The following ARHGEF9 variants were observed in gnomAD, a reference collection of about 807,000 sequenced individuals.
ARHGEF9 encodes the protein Cdc42 guanine nucleotide exchange factor 9.
Under a neutral mutation model 41.3 loss-of-function variants are expected in ARHGEF9, and 2 were observed. The observed-to-expected ratio is 0.05, with a 90% CI of 0.02 to 0.15. The LOEUF (loss-of-function observed/expected upper bound fraction) is 0.15, where lower values mean the gene tolerates loss of function less well. Among genes scored for constraint, ARHGEF9 ranks in the 10% least tolerant of loss-of-function variants. ARHGEF9 has a pLI of 1.00. For missense variants in ARHGEF9, 225 were observed against 424.7 expected (o/e 0.53, Z 4.13); for synonymous variants, 160 against 154.4 (o/e 1.04, Z -0.27).
intron 1 of ARHGEF9, among the ~76,000 whole-genome samples, chrX:63,760,050 C>A (rs2056007807): frequency 9.0e-6 from 1 of 110,980 alleles, no homozygotes; most frequent in Non-Finnish European, 1.9e-5. Context: ...GCCTACCTCC[C>A]AAACCCAAGA....
At chrX:63,640,552 C>T (rs1334718143) in intron 9 of ARHGEF9, 1 of 112,069 alleles carries the variant, frequency 8.9e-6, no homozygotes, top group Non-Finnish European at 1.9e-5. Flanking sequence ...GGTTTATGTA[C>T]CAGGAATTAG....
intron 8 of ARHGEF9, among the ~76,000 whole-genome samples, chrX:63,648,732 C>T (rs1316010246): frequency 9.0e-6 from 1 of 110,639 alleles, no homozygotes; most frequent in East Asian, 2.8e-4. Flanking sequence ...CACACATAGG[C>T]TCAAAATAAA....
At chrX:63,743,610 C>T in intron 1 of ARHGEF9, among the ~76,000 whole-genome samples, 1 of 112,304 alleles carries the variant, frequency 8.9e-6, no homozygotes, top group South Asian at 3.7e-4. Context: ...TGGGCAAGAA[C>T]CTGCAATTTC....
chrX:63,648,970 A>C (rs1198219414), intron 8 of ARHGEF9, among the ~76,000 whole-genome samples: 2 of 111,418 alleles, frequency 1.8e-5, no homozygotes, highest in Non-Finnish European at 3.8e-5. Context: ...AGAGATCTAC[A>C]AAGAGACTTA....
At chrX:63,773,521 T>C (rs2056238167) in intron 1 of ARHGEF9, among the ~76,000 whole-genome samples, 1 of 112,312 alleles carries the variant, frequency 8.9e-6, no homozygotes, top group Admixed American at 9.4e-5. Flanking sequence ...CTTTCCCATC[T>C]ATACCTACTC....
At chrX:63,754,809 T>A (rs1556445181) in intron 1 of ARHGEF9, 5 of 940,733 alleles carry the variant, frequency 5.3e-6, no homozygotes, top group Non-Finnish European at 6.6e-6. Context: ...TGATCGTTTG[T>A]CCCTAGCTGA....
At chrX:63,642,755 A>G (rs7889213) in intron 9 of ARHGEF9, 1 of 112,075 alleles carries the variant, frequency 8.9e-6, no homozygotes, top group South Asian at 3.8e-4. Context: ...CCACTGAGAA[A>G]GCAGAAGGAA....
At chrX:63,655,852 G>T in intron 7 of ARHGEF9, 115 bp from the exon 8 acceptor site, 1 of 1,004,139 alleles carries the variant, frequency 1.0e-6, no homozygotes, top group Non-Finnish European at 1.4e-6. Flanking sequence ...ACCAATGGGG[G>T]TTGGTTTGTT....
intron 1 of ARHGEF9, chrX:63,754,305 A>G: frequency 8.3e-7 from 1 of 1,210,915 alleles, no homozygotes; most frequent in East Asian, 3.0e-5. Context: ...ATAATATACC[A>G]ACGTCATACA....
At chrX:63,708,932 C>G (rs1306610900) in intron 2 of ARHGEF9, among the ~76,000 whole-genome samples, 1 of 112,136 alleles carries the variant, frequency 8.9e-6, no homozygotes, top group Non-Finnish European at 1.9e-5. Context: ...TCCCCCGGGC[C>G]TAATGATAAG....
rs2048826940 is a variant in ARHGEF9 at position 63,655,631 on chromosome X, A to G, written c.1184T>C (p.Met395Thr). ...DGRDDDFNVS[M>T]KNAFKLHNKE... ...GTTGTGAAGCTTAAAGGCATTCTTC[A>G]TGCTGACATTGAAGTCATCATCTCT... The change falls in exon 8 of 10, where the codon ATG becomes ACG. Residue 395 changes from methionine (M) to threonine (T), a missense_variant. Met to Thr is a moderately conservative substitution (Grantham distance 81, BLOSUM62 -1). Coordinates refer to ENST00000671741, the MANE Select transcript of ARHGEF9 (RefSeq NM_001353921.2). 1 of 1,209,707 alleles carries G rather than the reference A, an allele frequency of 8.3e-7. No individual in the cohort carries two copies. Among genetic ancestry groups the G allele is most frequent in the South Asian group, 1.8e-5 (1 of 56,810 alleles).
chrX:63,665,124 G>A (rs1412195006), intron 7 of ARHGEF9, among the ~76,000 whole-genome samples: 13 of 112,007 alleles, frequency 1.2e-4, no homozygotes, highest in African/African-American at 4.2e-4. Flanking sequence ...TTAGCCCCTG[G>A]AGCCAAAACT....
At chrX:63,744,627 C>T (rs2055158227) in intron 1 of ARHGEF9, among the ~76,000 whole-genome samples, 2 of 112,081 alleles carry the variant, frequency 1.8e-5, no homozygotes, top group African/African-American at 6.5e-5. Context: ...GCCCTACCCA[C>T]TTCACAGGGC....
chrX:63,736,121 G>A (rs1347925561), intron 1 of ARHGEF9, among the ~76,000 whole-genome samples: 34 of 111,785 alleles, frequency 3.0e-4, no homozygotes, highest in African/African-American at 9.4e-4. Context: ...CTTCCCCTCA[G>A]ACCTTGAAAC....
intron 1 of ARHGEF9, among the ~76,000 whole-genome samples, chrX:63,751,961 G>T (rs1219579701): frequency 3.6e-5 from 4 of 111,066 alleles, no homozygotes; most frequent in African/African-American, 1.3e-4. Context: ...CACTATTTAA[G>T]TCATAAACCT....
intron 1 of ARHGEF9, among the ~76,000 whole-genome samples, chrX:63,736,400 G>C (rs2054616744): frequency 9.0e-6 from 1 of 110,842 alleles, no homozygotes; most frequent in African/African-American, 3.3e-5. Flanking sequence ...AAAGCATCTA[G>C]TAAGGTGTCA....
chrX:63,696,491 T>A (rs1443408883), intron 4 of ARHGEF9, among the ~76,000 whole-genome samples: 3 of 111,471 alleles, frequency 2.7e-5, no homozygotes, highest in African/African-American at 9.8e-5. Context: ...ACTATCCTGT[T>A]TCCCAGAGCT....
At chrX:63,779,040 A>T (rs1250917302) in intron 1 of ARHGEF9, among the ~76,000 whole-genome samples, 5 of 112,094 alleles carry the variant, frequency 4.5e-5, no homozygotes, top group African/African-American at 1.6e-4. Context: ...AATTGGTAAT[A>T]GTTTCAGGAC....
chrX:63,735,477 C>T (rs1202266036), intron 1 of ARHGEF9, among the ~76,000 whole-genome samples: 1 of 111,504 alleles, frequency 9.0e-6, no homozygotes, highest in Non-Finnish European at 1.9e-5. Flanking sequence ...AAGGGAAATT[C>T]ATTTTTTATC....
Sources: allele counts gnomAD v4.1 joint callset (sites outside exome capture counted in the v4.1 genomes callset), GRCh38; gene constraint gnomAD v4.1.1; transcripts MANE v1.5; gene names NCBI Gene and HGNC (gene_info 2026-07-23, HGNC 2026-07-21).